Variants in NCK2 observed in about 807,000 individuals in gnomAD.
NCK2 encodes the protein NCK adaptor protein 2.
A neutral mutation model predicts 33.9 loss-of-function variants in NCK2; 16 were observed. The ratio of observed to expected loss-of-function variants is 0.47; its 90% confidence interval spans 0.32 to 0.72. NCK2 has a LOEUF of 0.72. NCK2 is among the 30% of genes least tolerant of loss of function. NCK2 has a pLI of 0.03. For missense variants in NCK2, 418 were observed against 537.3 expected (o/e 0.78, Z 2.19); for synonymous variants, 273 against 239.9 (o/e 1.14, Z -1.27).
At chr2:105,850,602 C>T (rs1468598611) in intron 2 of NCK2, among the ~76,000 whole-genome samples, 2 of 152,108 alleles carry the variant, frequency 1.3e-5, no homozygotes, top group Admixed American at 1.3e-4. Flanking sequence ...GAGTAATAAA[C>T]TTAACTAGCT....
chr2:105,808,760 C>T (rs1675182714), intron 1 of NCK2, among the ~76,000 whole-genome samples: 1 of 152,140 alleles, frequency 6.6e-6, no homozygotes, highest in South Asian at 2.1e-4. Context: ...TACAGAAAGT[C>T]ACTTATGAGA....
chr2:105,831,303 A>G (rs928178362), intron 2 of NCK2, among the ~76,000 whole-genome samples: 1 of 152,240 alleles, frequency 6.6e-6, no homozygotes, highest in Non-Finnish European at 1.5e-5. Context: ...GGAAACCGCA[A>G]AAGAACCCTG....
chr2:105,883,493 G>C (rs1678592495), intron 4 of NCK2, among the ~76,000 whole-genome samples: 1 of 152,148 alleles, frequency 6.6e-6, no homozygotes, highest in Admixed American at 6.5e-5. Flanking sequence ...CTGCAGTGTG[G>C]AGACATTGGT....
chr2:105,744,726 C>T (rs570083660), upstream of NCK2, among the ~76,000 whole-genome samples: 1 of 151,002 alleles, frequency 6.6e-6, no homozygotes, highest in South Asian at 2.1e-4. Flanking sequence ...ACGGGGGGCG[C>T]CCCAGGTGGG....
chr2:105,783,060 T>G (rs1690554499), intron 1 of NCK2, among the ~76,000 whole-genome samples: 1 of 152,088 alleles, frequency 6.6e-6, no homozygotes, highest in African/African-American at 2.4e-5. Flanking sequence ...GATATAACCG[T>G]GGAACAAGAT....
At chr2:105,746,180 T>G (rs1689280687) in intron 1 of NCK2, among the ~76,000 whole-genome samples, 1 of 152,190 alleles carries the variant, frequency 6.6e-6, no homozygotes, top group African/African-American at 2.4e-5. Flanking sequence ...GCCAACAGGT[T>G]TAAGGCTGCT....
intron 1 of NCK2, among the ~76,000 whole-genome samples, chr2:105,779,708 C>G (rs1690425284): frequency 6.6e-6 from 1 of 151,954 alleles, no homozygotes; most frequent in Non-Finnish European, 1.5e-5. Flanking sequence ...TTTTTTCCCA[C>G]TAATCAGCTT....
chr2:105,818,621 T>A (rs2104489714), intron 2 of NCK2, among the ~76,000 whole-genome samples: 1 of 152,298 alleles, frequency 6.6e-6, no homozygotes, highest in East Asian at 1.9e-4. Flanking sequence ...AGTTTTGGTG[T>A]CCAACTTTTA....
At chr2:105,804,277 C>T (rs558130576) in intron 1 of NCK2, among the ~76,000 whole-genome samples, 9 of 152,318 alleles carry the variant, frequency 5.9e-5, no homozygotes, top group Non-Finnish European at 1.2e-4. Flanking sequence ...AACGGACCAG[C>T]GCTTTTCTTT....
At position 105,769,011 on chromosome 2, in the gene NCK2, ACT is replaced by A. The variant is rs540140283; in HGVS notation, c.-201+23878_-201+23879del. 1.2e-4 allele frequency among the ~76,000 whole-genome samples: 18 copies of A among 151,506 alleles called. 1 individual carries two copies. The South Asian group carries it at 3.8e-3, about 32-fold the overall frequency. ...GGTGTAGGGGGTGCAGAAAGTTCCC[ACT>A]CTCTAATCACACGTTTTGTCTTTCT... is the stretch of plus-strand genomic sequence containing the variant. On this transcript the variant is annotated intron_variant, in intron 1 of 4. Coordinates refer to ENST00000233154, the MANE Select transcript of NCK2 (RefSeq NM_003581.5).
chr2:105,785,485 C>T (rs1012103889), intron 1 of NCK2, among the ~76,000 whole-genome samples: 2 of 152,184 alleles, frequency 1.3e-5, no homozygotes, highest in African/African-American at 4.8e-5. Flanking sequence ...CAAAGTGACA[C>T]GACCAAAAGA....
chr2:105,771,528 G>A (rs1432029499), intron 1 of NCK2, among the ~76,000 whole-genome samples: 1 of 152,168 alleles, frequency 6.6e-6, no homozygotes, highest in Non-Finnish European at 1.5e-5. Context: ...TTGGGCCACT[G>A]TACTCCAGCC....
At chr2:105,888,946 A>G (rs1173699251) in intron 4 of NCK2, among the ~76,000 whole-genome samples, 1 of 152,114 alleles carries the variant, frequency 6.6e-6, no homozygotes. Flanking sequence ...ACAAGCTTAA[A>G]TGTAGAGTAC....
intron 1 of NCK2, among the ~76,000 whole-genome samples, chr2:105,765,037 T>G (rs1052801493): frequency 7.9e-5 from 12 of 151,294 alleles, no homozygotes; most frequent in Admixed American, 5.9e-4. Flanking sequence ...TTTTTTTTAG[T>G]GTAAATTCCT....
chr2:105,855,886 G>T (rs547959606), intron 3 of NCK2: 2 of 146,986 alleles, frequency 1.4e-5, no homozygotes, highest in East Asian at 4.1e-4. Context: ...CCAGGCTGGA[G>T]TGCAGTGGCA....
At chr2:105,825,148 C>G (rs544720425) in intron 2 of NCK2, among the ~76,000 whole-genome samples, 1 of 152,088 alleles carries the variant, frequency 6.6e-6, no homozygotes, top group Admixed American at 6.5e-5. Flanking sequence ...TGCCTACCAG[C>G]TGTAATGTAA....
At chr2:105,747,873 G>A (rs553054152) in intron 1 of NCK2, among the ~76,000 whole-genome samples, 3 of 152,266 alleles carry the variant, frequency 2.0e-5, no homozygotes, top group Admixed American at 6.5e-5. Context: ...GCCTTTTAAC[G>A]GGCTATCAAA....
intron 3 of NCK2, among the ~76,000 whole-genome samples, chr2:105,863,866 G>A (rs918262453): frequency 5.9e-5 from 9 of 152,100 alleles, no homozygotes; most frequent in Non-Finnish European, 1.2e-4. Context: ...CCTCAGTTGC[G>A]TCGTCTGTAT....
chr2:105,813,216 G>A (rs1240129559), intron 1 of NCK2, among the ~76,000 whole-genome samples: 3 of 152,172 alleles, frequency 2.0e-5, no homozygotes, highest in Non-Finnish European at 4.4e-5. Context: ...CACGGCGAGT[G>A]TCTCACTGGA....
Sources: allele counts gnomAD v4.1 joint callset (sites outside exome capture counted in the v4.1 genomes callset), GRCh38; gene constraint gnomAD v4.1.1; transcripts MANE v1.5; gene names NCBI Gene and HGNC (gene_info 2026-07-23, HGNC 2026-07-21).